Variants in TMEM87B observed in about 807,000 individuals in gnomAD.
TMEM87B encodes the protein transmembrane protein 87B.
TMEM87B carries 83 observed loss-of-function variants against 80.3 expected under a neutral mutation model. That is an observed-to-expected ratio of 1.03 (90% CI 0.87 to 1.24). The LOEUF (loss-of-function observed/expected upper bound fraction) is 1.24, where lower values mean the gene tolerates loss of function less well. Among genes scored for constraint, TMEM87B ranks in the 50% most tolerant of loss-of-function variants. The pLI is 0.00. For missense variants in TMEM87B, 625 were observed against 674.4 expected (o/e 0.93, Z 0.81); for synonymous variants, 219 against 230.5 (o/e 0.95, Z 0.45).
intron 1 of TMEM87B, among the ~76,000 whole-genome samples, chr2:112,058,772 G>C (rs772809326): frequency 3.3e-5 from 5 of 152,242 alleles, no homozygotes; most frequent in Admixed American, 1.3e-4. Flanking sequence ...AGGAAATGCA[G>C]AGGGCCTAAA....
At chr2:112,108,156 T>A (rs963954958) in intron 17 of TMEM87B, among the ~76,000 whole-genome samples, 7 of 152,122 alleles carry the variant, frequency 4.6e-5, no homozygotes, top group Non-Finnish European at 8.8e-5. Context: ...TTTTTTTTTT[T>A]AAAGGTAACC....
intron 11 of TMEM87B, among the ~76,000 whole-genome samples, chr2:112,093,483 C>T (rs1679365837): frequency 6.6e-6 from 1 of 152,142 alleles, no homozygotes; most frequent in South Asian, 2.1e-4. Context: ...TATCTGTGGA[C>T]ATCTTAGGAG....
chr2:112,078,879 C>A (rs1256976344), intron 6 of TMEM87B, among the ~76,000 whole-genome samples: 1 of 152,140 alleles, frequency 6.6e-6, no homozygotes, highest in Non-Finnish European at 1.5e-5. Flanking sequence ...AGTCTGAGGT[C>A]TTGTTTGGTA....
chr2:112,056,370 C>T (rs1678060393), intron 1 of TMEM87B, among the ~76,000 whole-genome samples: 1 of 151,900 alleles, frequency 6.6e-6, no homozygotes, highest in African/African-American at 2.4e-5. Flanking sequence ...GTAGGTGGGG[C>T]GGGACTTGTG....
At chr2:112,081,261 T>C in intron 7 of TMEM87B, 74 bp from the exon 8 acceptor site, 3 of 1,454,122 alleles carry the variant, frequency 2.1e-6, no homozygotes, top group Non-Finnish European at 2.8e-6. Context: ...AAGGGTTGGA[T>C]ACTTGAATGT....
At chr2:112,085,183 C>T (rs1679107098) in intron 8 of TMEM87B, among the ~76,000 whole-genome samples, 1 of 152,230 alleles carries the variant, frequency 6.6e-6, no homozygotes, top group African/African-American at 2.4e-5. Context: ...GACAGGGGCT[C>T]CAAACTGCAT....
chr2:112,064,632 A>G lies in TMEM87B; in HGVS notation c.318+379A>G, dbSNP rs72829635. Among the ~76,000 whole-genome samples, 600 of 152,368 alleles carry G rather than the reference A, an allele frequency of 3.9e-3. 2 individuals carry two copies. Among genetic ancestry groups the G allele is most frequent in the Non-Finnish European group, 6.1e-3 (416 of 68,036 alleles). ...TAGTGAGCACAAGTAGATCGCAGAA[A>G]GAGGTGAGGAGAAGAAAGGAGGTAT... On this transcript the variant is annotated intron_variant, in intron 3 of 18. Transcript: ENST00000283206.
At chr2:112,069,235 A>C (rs541272070) in intron 4 of TMEM87B, among the ~76,000 whole-genome samples, 1 of 150,290 alleles carries the variant, frequency 6.7e-6, no homozygotes, top group South Asian at 2.1e-4. Flanking sequence ...ATGTCACAGG[A>C]ATTTGTTGTA....
At chr2:112,113,372 A>G (rs1172594811) in intron 18 of TMEM87B, among the ~76,000 whole-genome samples, 1 of 152,234 alleles carries the variant, frequency 6.6e-6, no homozygotes, top group African/African-American at 2.4e-5. Flanking sequence ...ACAAGGCGGG[A>G]AGAAATCTGA....
chr2:112,098,390 G>C (rs939853213), intron 13 of TMEM87B, among the ~76,000 whole-genome samples: 1 of 152,070 alleles, frequency 6.6e-6, no homozygotes, highest in Non-Finnish European at 1.5e-5. Flanking sequence ...AAAATTTTAT[G>C]GCAGGGAATA....
At chr2:112,085,807 GGAGT>G (rs1456666677) in intron 8 of TMEM87B, among the ~76,000 whole-genome samples, 194 bp from the exon 9 acceptor site, 1 of 152,182 alleles carries the variant, frequency 6.6e-6, no homozygotes, top group Non-Finnish European at 1.5e-5. Context: ...AGATAGATAG[GGAGT>G]GAATTCTTGA....
chr2:112,116,749 A>G lies in TMEM87B; in HGVS notation c.*606A>G, dbSNP rs980047378. On this transcript the variant is annotated 3_prime_UTR_variant, in exon 19 of 19. Coordinates refer to ENST00000283206, the MANE Select transcript of TMEM87B (RefSeq NM_032824.3). ...ACAAAGCCCTTGTTTGAGTCTCATCATGCACATCAAATCATGGAGTTAGGT... is the reference window on the plus strand; with the variant it reads ...ACAAAGCCCTTGTTTGAGTCTCATCGTGCACATCAAATCATGGAGTTAGGT... The G allele has an allele frequency of 8.6e-5, 12 of 139,816 alleles. No homozygotes were observed. The highest frequency in any genetic ancestry group is 3.3e-4 in the African/African-American group (12 of 36,142). The allele number at this position is 139,816 out of a possible 1,614,324, so 8.7% of individuals were successfully genotyped here.
At chr2:112,085,667 A>G (rs10165845) in intron 8 of TMEM87B, among the ~76,000 whole-genome samples, 72,794 of 152,116 alleles carry the variant, frequency 0.48, 18,067 homozygotes, top group East Asian at 0.87. Flanking sequence ...AGAGAACTCT[A>G]GAGGATGTTG....
chr2:112,099,555 T>TATATATATATACAC (rs1019425429), intron 14 of TMEM87B, among the ~76,000 whole-genome samples: 56 of 73,572 alleles, frequency 7.6e-4, no homozygotes, highest in African/African-American at 2.5e-3. Context: ...TATATATATA[T>TATATATATATACAC]ACACACACAC....
intron 6 of TMEM87B, among the ~76,000 whole-genome samples, chr2:112,078,736 C>T (rs146959103): frequency 1.3e-3 from 202 of 152,326 alleles, no homozygotes; most frequent in African/African-American, 4.6e-3. Context: ...ATGTTTTGCA[C>T]TGTACTCGGC....
chr2:112,113,434 G>A (rs891282277), intron 18 of TMEM87B, among the ~76,000 whole-genome samples: 4 of 152,206 alleles, frequency 2.6e-5, no homozygotes, highest in Admixed American at 2.0e-4. Context: ...CAAAAAGGAC[G>A]AGTGGAGGGA....
At chr2:112,090,233 G>A (rs905772485) in intron 10 of TMEM87B, among the ~76,000 whole-genome samples, 3 of 152,174 alleles carry the variant, frequency 2.0e-5, no homozygotes, top group Non-Finnish European at 4.4e-5. Context: ...TGATGTTCAA[G>A]GGGAAGATGA....
At chr2:112,091,808 A>G (rs1233189446) in intron 11 of TMEM87B, 25 bp downstream of exon 11, 1 of 1,524,616 alleles carries the variant, frequency 6.6e-7, no homozygotes, top group Admixed American at 1.8e-5. Context: ...GTCCTTCAAA[A>G]TAGTTTGTTG....
At position 112,116,098 on chromosome 2, in the gene TMEM87B, A is replaced by T; in HGVS notation, c.1623A>T (p.Arg541Ser). Residue 541 changes from arginine (R) to serine (S), a missense_variant, in exon 19 of 19, where the codon AGA becomes AGT. Physicochemically the swap from Arg to Ser is moderately radical, Grantham distance 110. Coordinates refer to ENST00000283206, the MANE Select transcript of TMEM87B (RefSeq NM_032824.3). ...LVDSDEEIMT[R>S]SEMAEKMFSS... Reference sequence around the variant, plus strand: ...TTTTTCTTCAGGAAATCATGACCAGATCTGAAATGGCTGAAAAAATGTTCT... The same window carrying T: ...TTTTTCTTCAGGAAATCATGACCAGTTCTGAAATGGCTGAAAAAATGTTCT... The T allele has an allele frequency of 1.2e-6, 2 of 1,612,892 alleles. No homozygotes were observed. Among genetic ancestry groups the T allele is most frequent in the Non-Finnish European group, 1.7e-6 (2 of 1,179,732 alleles).
Sources: allele counts gnomAD v4.1 joint callset (sites outside exome capture counted in the v4.1 genomes callset), GRCh38; gene constraint gnomAD v4.1.1; transcripts MANE v1.5; gene names NCBI Gene and HGNC (gene_info 2026-07-23, HGNC 2026-07-21).